The following PLPP3 variants were observed in gnomAD, a reference collection of about 807,000 sequenced individuals.
PLPP3 encodes the protein phospholipid phosphatase 3.
A neutral mutation model predicts 29.6 loss-of-function variants in PLPP3; 6 were observed. That is an observed-to-expected ratio of 0.20 (90% CI 0.11 to 0.40). The LOEUF (loss-of-function observed/expected upper bound fraction) is 0.40. PLPP3 is among the 10% of genes least tolerant of loss of function. PLPP3 has a pLI of 1.00. For synonymous variants in PLPP3, 152 were observed against 159.7 expected (o/e 0.95, Z 0.36); for missense variants, 308 against 407.7 (o/e 0.76, Z 2.11).
chr1:56,537,582 G>A lies in PLPP3; in HGVS notation c.140-470C>T, dbSNP rs150822190. ...GGCCTTGGAGTAAAAAAATCTGGAT[G>A]TGAACCCCAGATCCAGCACTTCCTC... On this transcript the variant is annotated intron_variant, in intron 1 of 5. Coordinates refer to ENST00000371250, the MANE Select transcript of PLPP3 (RefSeq NM_003713.5). Among the ~76,000 whole-genome samples, 9 of 152,208 alleles carry A rather than the reference G, an allele frequency of 5.9e-5. No homozygotes were observed. The East Asian group carries it at 1.5e-3, about 26-fold the overall frequency.
intron 5 of PLPP3, among the ~76,000 whole-genome samples, chr1:56,500,761 T>C (rs181681611): frequency 2.5e-4 from 38 of 152,098 alleles, no homozygotes; most frequent in Admixed American, 6.6e-4. Flanking sequence ...TCCCAGCACT[T>C]TGGGAGGCTG....
chr1:56,577,398 C>A (rs1211509375), intron 1 of PLPP3, among the ~76,000 whole-genome samples: 1 of 152,154 alleles, frequency 6.6e-6, no homozygotes, highest in Non-Finnish European at 1.5e-5. Context: ...ACTACAGTGA[C>A]TTTTCTTCCT....
chr1:56,534,657 G>A (rs1412205608), intron 2 of PLPP3, among the ~76,000 whole-genome samples: 3 of 152,144 alleles, frequency 2.0e-5, no homozygotes, highest in African/African-American at 2.4e-5. Context: ...ATGTGTCGAC[G>A]TCATCGTTGT....
chr1:56,502,451 G>T (rs374785117), intron 5 of PLPP3, among the ~76,000 whole-genome samples: 1 of 152,192 alleles, frequency 6.6e-6, no homozygotes, highest in African/African-American at 2.4e-5. Context: ...TGAAATAGCA[G>T]ATTCCTGGGC....
At chr1:56,516,879 T>G (rs945166454) in intron 4 of PLPP3, 4 of 152,208 alleles carry the variant, frequency 2.6e-5, no homozygotes, top group African/African-American at 9.6e-5. Flanking sequence ...CCCTGGCATG[T>G]AGAACTCACT....
At chr1:56,513,595 T>TA (rs1645760660) in intron 4 of PLPP3, 1 of 152,198 alleles carries the variant, frequency 6.6e-6, no homozygotes, top group African/African-American at 2.4e-5. Context: ...TAGCCATAAG[T>TA]GTCTAGGACT....
chr1:56,505,912 T>G (rs887482033), intron 5 of PLPP3, among the ~76,000 whole-genome samples: 6 of 152,210 alleles, frequency 3.9e-5, no homozygotes, highest in South Asian at 4.1e-4. Context: ...ACTACAAAGA[T>G]AGTGTCGTTA....
At chr1:56,540,618 A>T (rs1462153542) in intron 1 of PLPP3, among the ~76,000 whole-genome samples, 1 of 152,154 alleles carries the variant, frequency 6.6e-6, no homozygotes, top group African/African-American at 2.4e-5. Context: ...TTGGAGCTGA[A>T]TATGTTCTGT....
At chr1:56,500,803 G>C (rs1645662161) in intron 5 of PLPP3, among the ~76,000 whole-genome samples, 2 of 151,976 alleles carry the variant, frequency 1.3e-5, no homozygotes, top group South Asian at 2.1e-4. Context: ...TCAGGAGTTA[G>C]AGACCAGCCT....
rs1445859998 is a variant in PLPP3 at position 56,512,106 on chromosome 1, C to T, written c.680G>A (p.Arg227Gln). Reference protein sequence around the residue: ...RFTWRGARLLRPLLQFTLIMM... With the variant: ...RFTWRGARLLQPLLQFTLIMM... Reference sequence around the variant, plus strand: ...GATCAAGGTGAACTGCAGGAGGGGCCGGAGCAGGCGGGCTCCTCGCCAAGT... The same window carrying T: ...GATCAAGGTGAACTGCAGGAGGGGCTGGAGCAGGCGGGCTCCTCGCCAAGT... Residue 227 changes from arginine to glutamine, a missense_variant, in exon 5 of 6, where the codon CGG becomes CAG. This residue lies in a region of PLPP3 where 232 missense variants were observed against 317.2 expected (regional missense o/e 0.73). Transcript: ENST00000371250. The T allele has an allele frequency of 2.5e-6, 4 of 1,610,610 alleles. No individual in the cohort carries two copies. Among genetic ancestry groups the T allele is most frequent in the South Asian group, 1.1e-5 (1 of 90,508 alleles).
At chr1:56,531,931 C>T (rs567428885) in intron 2 of PLPP3, among the ~76,000 whole-genome samples, 2 of 152,184 alleles carry the variant, frequency 1.3e-5, no homozygotes, top group African/African-American at 2.4e-5. Context: ...CCATCCCCAA[C>T]ACACACTGCC....
rs538946222 is a variant in PLPP3 at position 56,570,261 on chromosome 1, G to A, written c.139+8617C>T. On this transcript the variant is annotated intron_variant, in intron 1 of 5. Coordinates refer to ENST00000371250, the MANE Select transcript of PLPP3 (RefSeq NM_003713.5). ...ACCATCAATGAGAATGGTTTCCTTCGTGTCAATGTAATAGTGTATTATGTG... is the reference window on the plus strand; with the variant it reads ...ACCATCAATGAGAATGGTTTCCTTCATGTCAATGTAATAGTGTATTATGTG... Among the ~76,000 whole-genome samples the A allele has an allele frequency of 5.3e-5, 8 of 152,278 alleles. 1 individual carries two copies. The highest frequency in any genetic ancestry group is 3.9e-4 in the East Asian group (2 of 5,182).
At chr1:56,513,591 T>TCCTTAGCCTAGGACTG (rs1645760601) in intron 4 of PLPP3, 1 of 152,204 alleles carries the variant, frequency 6.6e-6, no homozygotes, top group African/African-American at 2.4e-5. Flanking sequence ...TTCTTAGCCA[T>TCCTTAGCCTAGGACTG]AAGTGTCTAG....
At chr1:56,497,609 T>C (rs1645638899) in intron 5 of PLPP3, among the ~76,000 whole-genome samples, 1 of 152,192 alleles carries the variant, frequency 6.6e-6, no homozygotes, top group Non-Finnish European at 1.5e-5. Flanking sequence ...ACTAAAACAC[T>C]ATCAAAGTTT....
chr1:56,522,891 A>G (rs185970341), intron 4 of PLPP3, among the ~76,000 whole-genome samples: 2 of 152,322 alleles, frequency 1.3e-5, no homozygotes, highest in East Asian at 1.9e-4. Flanking sequence ...GGGGAAAGGC[A>G]AGGCAGGGAA....
intron 1 of PLPP3, among the ~76,000 whole-genome samples, chr1:56,554,389 G>A (rs943246080): frequency 2.0e-5 from 3 of 151,906 alleles, no homozygotes; most frequent in Non-Finnish European, 4.4e-5. Flanking sequence ...TGGCTAACAC[G>A]GTGAAACCCT....
In PLPP3 at chr1:56,537,409, C is replaced by G. The variant is rs116812381; in HGVS notation, c.140-297G>C. On this transcript the variant is annotated intron_variant, in intron 1 of 5. Coordinates refer to ENST00000371250, the MANE Select transcript of PLPP3 (RefSeq NM_003713.5). ...GGGGTTTTCCCACTGTTCTACAATA[C>G]CCTGCTAAAAATTAAAGCCCGAATC... Among the ~76,000 whole-genome samples, 549 of 152,212 alleles carry G rather than the reference C, an allele frequency of 3.6e-3. 3 individuals carry two copies. The highest frequency in any genetic ancestry group is 0.013 in the African/African-American group (527 of 41,526).
At chr1:56,547,751 T>C (rs1432890456) in intron 1 of PLPP3, among the ~76,000 whole-genome samples, 1 of 152,174 alleles carries the variant, frequency 6.6e-6, no homozygotes, top group Non-Finnish European at 1.5e-5. Context: ...ACCCATTTGC[T>C]GGGATCCTCT....
chr1:56,520,910 CAAAAAAAAA>C lies in PLPP3; in HGVS notation c.633+2904_633+2912del, dbSNP rs1169318077. On this transcript the variant is annotated intron_variant, in intron 4 of 5. Coordinates refer to ENST00000371250, the MANE Select transcript of PLPP3 (RefSeq NM_003713.5). ...TGTGCAACAGAGCGAGACTCCATCT[CAAAAAAAAA>C]AAAAAAAAAAAAAAAAGAAACTTTT... Among the ~76,000 whole-genome samples the C allele has an allele frequency of 9.7e-5, 6 of 61,916 alleles. No individual in the cohort carries two copies. In the East Asian group the frequency reaches 2.9e-3, roughly 29 times the overall value. The allele number at this position is 61,916 out of a possible 152,430, so 40.6% of individuals were successfully genotyped here. A position where few individuals can be genotyped will look rare whatever the true frequency, so the allele number is the denominator to read the frequency against.
Sources: allele counts gnomAD v4.1 joint callset (sites outside exome capture counted in the v4.1 genomes callset), GRCh38; gene constraint gnomAD v4.1.1; regional missense constraint gnomAD v4.1.1; transcripts MANE v1.5; gene names NCBI Gene and HGNC (gene_info 2026-07-23, HGNC 2026-07-21).